SLC2A13: variants seen among roughly 807,000 people sequenced by gnomAD.
The protein encoded by SLC2A13 is proton myo-inositol cotransporter.
A neutral mutation model predicts 64.4 loss-of-function variants in SLC2A13; 32 were observed. The observed-to-expected ratio is 0.50, with a 90% CI of 0.37 to 0.67. The LOEUF (loss-of-function observed/expected upper bound fraction) is 0.67. SLC2A13 is among the 30% of genes least tolerant of loss of function. SLC2A13 has a pLI of 0.00. For missense variants in SLC2A13, 743 were observed against 829.2 expected (o/e 0.90, Z 1.28); for synonymous variants, 338 against 327.1 (o/e 1.03, Z -0.36).
At chr12:40,011,391 C>T (rs1361672001) in intron 3 of SLC2A13, among the ~76,000 whole-genome samples, 2 of 152,164 alleles carry the variant, frequency 1.3e-5, no homozygotes, top group East Asian at 3.9e-4. Flanking sequence ...GGATCAGGAG[C>T]TTTCAGTTTC....
chr12:39,775,133 T>G (rs1281764403), intron 7 of SLC2A13, among the ~76,000 whole-genome samples: 1 of 152,170 alleles, frequency 6.6e-6, no homozygotes, highest in Non-Finnish European at 1.5e-5. Context: ...ATCACAAGAT[T>G]AACATAGATA....
chr12:39,993,091 T>A (rs1947167597), intron 3 of SLC2A13, among the ~76,000 whole-genome samples: 1 of 152,226 alleles, frequency 6.6e-6, no homozygotes, highest in Non-Finnish European at 1.5e-5. Context: ...TGCATCTTAT[T>A]TTACAATTCT....
At chr12:40,068,561 T>C in intron 1 of SLC2A13, 1 of 197,262 alleles carries the variant, frequency 5.1e-6, no homozygotes, top group East Asian at 1.2e-4. Context: ...TCAACTCCAG[T>C]GACTTTTCCA....
intron 7 of SLC2A13, among the ~76,000 whole-genome samples, chr12:39,806,021 A>G (rs1436299230): frequency 2.6e-5 from 4 of 152,240 alleles, no homozygotes; most frequent in Non-Finnish European, 4.4e-5. Context: ...TCTTTCTGAT[A>G]TTGATTGCTA....
intron 4 of SLC2A13, among the ~76,000 whole-genome samples, chr12:39,944,834 C>T (rs932233276): frequency 1.3e-5 from 2 of 152,210 alleles, no homozygotes; most frequent in East Asian, 1.9e-4. Context: ...AGGTCATTTA[C>T]ATTCAATGTT....
chr12:39,997,747 C>T (rs754216336), intron 3 of SLC2A13, among the ~76,000 whole-genome samples: 16 of 152,084 alleles, frequency 1.1e-4, no homozygotes, highest in South Asian at 2.1e-4. Context: ...AGGAGAATGG[C>T]GAGAACCTGG....
chr12:39,978,001 G>A (rs901976643), intron 3 of SLC2A13, among the ~76,000 whole-genome samples: 5 of 152,098 alleles, frequency 3.3e-5, no homozygotes, highest in Admixed American at 2.6e-4. Context: ...TTTCATTAAT[G>A]TCTCCCCCAC....
chr12:39,804,329 T>G (rs988356025), intron 7 of SLC2A13, among the ~76,000 whole-genome samples: 1 of 152,178 alleles, frequency 6.6e-6, no homozygotes, highest in African/African-American at 2.4e-5. Flanking sequence ...AGAGAAATAG[T>G]TCTAATCTTA....
chr12:39,854,737 G>C (rs1211188880), intron 6 of SLC2A13, among the ~76,000 whole-genome samples: 1 of 152,110 alleles, frequency 6.6e-6, no homozygotes, highest in African/African-American at 2.4e-5. Context: ...TAGTATCCAA[G>C]GCCTTTCCTC....
intron 4 of SLC2A13, among the ~76,000 whole-genome samples, chr12:39,924,883 C>G (rs537161647): frequency 5.9e-5 from 9 of 151,952 alleles, no homozygotes; most frequent in Non-Finnish European, 1.3e-4. Context: ...GTTTCTTTGT[C>G]TATGTAATAC....
At chr12:39,974,368 C>T (rs144863045) in intron 3 of SLC2A13, among the ~76,000 whole-genome samples, 1 of 152,210 alleles carries the variant, frequency 6.6e-6, no homozygotes, top group Non-Finnish European at 1.5e-5. Flanking sequence ...GGGGCCATAT[C>T]TGACCTCAAC....
intron 4 of SLC2A13, among the ~76,000 whole-genome samples, chr12:39,875,692 T>G (rs1489299498): frequency 1.3e-5 from 2 of 152,204 alleles, no homozygotes; most frequent in Non-Finnish European, 2.9e-5. Flanking sequence ...ACATTCTCTT[T>G]CACAGGGCAG....
intron 7 of SLC2A13, among the ~76,000 whole-genome samples, chr12:39,774,748 T>A (rs1392614221): frequency 6.6e-6 from 1 of 152,124 alleles, no homozygotes; most frequent in African/African-American, 2.4e-5. Context: ...GCCTTAGAAA[T>A]TTGGAGCAAA....
chr12:39,958,175 C>T (rs1462610597), intron 3 of SLC2A13, among the ~76,000 whole-genome samples: 1 of 152,174 alleles, frequency 6.6e-6, no homozygotes. Context: ...AAGTTTTAAT[C>T]AGAATTAATG....
chr12:40,081,042 G>A (rs1046949385), intron 1 of SLC2A13, among the ~76,000 whole-genome samples: 1 of 152,134 alleles, frequency 6.6e-6, no homozygotes, highest in African/African-American at 2.4e-5. Context: ...AATCTCTTCT[G>A]GCTTGTAAGA....
intron 9 of SLC2A13, 31 bp downstream of exon 9, chr12:39,764,426 AAAC>A: frequency 6.6e-7 from 1 of 1,504,950 alleles, no homozygotes; most frequent in Non-Finnish European, 8.9e-7. Context: ...ATAAAAATAA[AAAC>A]AAAACTATGT....
intron 3 of SLC2A13, among the ~76,000 whole-genome samples, chr12:39,964,407 G>A (rs1013790013): frequency 7.2e-5 from 11 of 152,222 alleles, no homozygotes; most frequent in African/African-American, 2.2e-4. Context: ...GAAGAGAAGA[G>A]TTAATTCAAA....
intron 7 of SLC2A13, among the ~76,000 whole-genome samples, chr12:39,819,585 C>T (rs1398725077): frequency 2.0e-5 from 3 of 152,104 alleles, no homozygotes; most frequent in South Asian, 2.1e-4. Flanking sequence ...ATGTCCTTGA[C>T]ACTAAGCAGT....
chr12:39,884,222 A>T (rs1592239650), intron 4 of SLC2A13, among the ~76,000 whole-genome samples: 1 of 151,918 alleles, frequency 6.6e-6, no homozygotes, highest in Non-Finnish European at 1.5e-5. Flanking sequence ...TTCTGCCTCA[A>T]CCTCCCAAAT....
Sources: allele counts gnomAD v4.1 joint callset (sites outside exome capture counted in the v4.1 genomes callset), GRCh38; gene constraint gnomAD v4.1.1; transcripts MANE v1.5; gene names NCBI Gene and HGNC (gene_info 2026-07-23, HGNC 2026-07-21).